The following ANXA4 variants were observed in gnomAD, a reference collection of about 807,000 sequenced individuals.
ANXA4 encodes annexin A4, also known as 35-beta calcimedin.
In ANXA4, 39 loss-of-function variants were observed where a neutral mutation model predicts 49.8. The observed-to-expected ratio is 0.78, with a 90% CI of 0.61 to 1.02. ANXA4 has a LOEUF of 1.02. Among genes scored for constraint, ANXA4 ranks in the 50% least tolerant of loss-of-function variants. The pLI is 0.00. For synonymous variants in ANXA4, 134 were observed against 152.5 expected (o/e 0.88, Z 0.89); for missense variants, 360 against 410.1 (o/e 0.88, Z 1.05).
chr2:69,725,049 C>T lies in ANXA4; in HGVS notation n.864+4178C>T, dbSNP rs111327590. On this transcript the variant is annotated intron_variant and non_coding_transcript_variant, in intron 3 of 3. Transcript: ENST00000418066. ...TGCACAGCCTGTCTCCTTTTCTTCT[C>T]CCTCTGACTCCTGCAGTCAGCCGAT... is the stretch of plus-strand genomic sequence containing the variant. 9.6e-3 allele frequency among the ~76,000 whole-genome samples: 1,458 copies of T among 152,302 alleles called. 26 individuals are homozygous for T. The highest frequency in any genetic ancestry group is 0.034 in the African/African-American group (1,403 of 41,562).
At chr2:69,768,041 A>G (rs909092604) in intron 1 of ANXA4, among the ~76,000 whole-genome samples, 4 of 152,304 alleles carry the variant, frequency 2.6e-5, no homozygotes, top group African/African-American at 4.8e-5. Context: ...ATGCGAGTAT[A>G]TATTATAGCA....
chr2:69,738,205 C>T (rs530073559), upstream of ANXA4, among the ~76,000 whole-genome samples: 4 of 152,122 alleles, frequency 2.6e-5, no homozygotes, highest in African/African-American at 9.6e-5. Context: ...GCCCTGAGTG[C>T]GTGTGTAAGT....
At chr2:69,820,860 GA>G in intron 12 of ANXA4, 39 bp downstream of exon 12, 2 of 1,605,880 alleles carry the variant, frequency 1.2e-6, no homozygotes, top group East Asian at 2.2e-5. Flanking sequence ...AAAGGATCCA[GA>G]AAAGGACCCC....
chr2:69,662,323 CT>C (rs1676752973), intron 2 of ANXA4, among the ~76,000 whole-genome samples: 1 of 152,152 alleles, frequency 6.6e-6, no homozygotes, highest in African/African-American at 2.4e-5. Context: ...AGTTACAAGC[CT>C]TCCTATGCAC....
chr2:69,798,353 A>G (rs1344423045), intron 3 of ANXA4, among the ~76,000 whole-genome samples: 1 of 152,204 alleles, frequency 6.6e-6, no homozygotes, highest in East Asian at 1.9e-4. Flanking sequence ...TTGCATACAG[A>G]GAGGAGATGG....
intron 2 of ANXA4, among the ~76,000 whole-genome samples, chr2:69,690,366 G>A (rs1347262868): frequency 6.6e-6 from 1 of 152,070 alleles, no homozygotes; most frequent in Non-Finnish European, 1.5e-5. Context: ...AGCCTCCCAA[G>A]TAGCTGGGAT....
At chr2:69,821,286 A>T (rs1674233915) in intron 12 of ANXA4, among the ~76,000 whole-genome samples, 1 of 152,156 alleles carries the variant, frequency 6.6e-6, no homozygotes, top group Admixed American at 6.5e-5. Flanking sequence ...CCTCAAAGCC[A>T]GGCATTCCTG....
In ANXA4 at chr2:69,656,277, GTA is replaced by G. The variant is rs1306210204; in HGVS notation, n.766+3004_766+3005del. 7.2e-4 allele frequency among the ~76,000 whole-genome samples: 85 copies of G among 117,338 alleles called. 3 individuals are homozygous for G. The highest frequency in any genetic ancestry group is 9.3e-4 in the African/African-American group (29 of 31,302). The allele number at this position is 117,338 out of a possible 152,430, so 77.0% of individuals were successfully genotyped here. On this transcript the variant is annotated intron_variant and non_coding_transcript_variant, in intron 2 of 3. Transcript: ENST00000418066. ...TATATACGTATATATATGTATATAC[GTA>G]TATATATACATATATGTATATATAT...
chr2:69,697,978 C>CAA lies in ANXA4; in HGVS notation n.767-22778_767-22777dup, dbSNP rs34820959. ...TGGGCAACACAGTGAGACCCCATCTCAAAAAAAAAAAAAAAAAAAGAATAC... is the reference window on the plus strand; with the variant it reads ...TGGGCAACACAGTGAGACCCCATCTCAAAAAAAAAAAAAAAAAAAAAGAATAC... On this transcript the variant is annotated intron_variant and non_coding_transcript_variant, in intron 2 of 3. Transcript: ENST00000418066. 2.9e-3 allele frequency among the ~76,000 whole-genome samples: 302 copies of CAA among 105,594 alleles called. 4 individuals carry two copies. The highest frequency in any genetic ancestry group is 6.6e-3 in the East Asian group (25 of 3,776). The allele number at this position is 105,594 out of a possible 152,430, so 69.3% of individuals were successfully genotyped here. A position where few individuals can be genotyped will look rare whatever the true frequency, so the allele number is the denominator to read the frequency against.
chr2:69,779,286 T>TA (rs1166309260), intron 1 of ANXA4, among the ~76,000 whole-genome samples: 1 of 151,874 alleles, frequency 6.6e-6, no homozygotes, highest in Non-Finnish European at 1.5e-5. Context: ...TAAAATAAAA[T>TA]AAATAAATGT....
At chr2:69,705,933 AAAAAC>A (rs1192680630) in intron 2 of ANXA4, among the ~76,000 whole-genome samples, 1 of 152,204 alleles carries the variant, frequency 6.6e-6, no homozygotes, top group Non-Finnish European at 1.5e-5. Context: ...CTTTGTCTCA[AAAAAC>A]AAAACAAAAC....
chr2:69,775,123 T>A (rs1383995574), intron 1 of ANXA4, among the ~76,000 whole-genome samples: 1 of 152,186 alleles, frequency 6.6e-6, no homozygotes, highest in African/African-American at 2.4e-5. Context: ...GTGGTTTCAA[T>A]CGTTTCATGG....
At chr2:69,664,571 GA>G (rs1299939225) in intron 2 of ANXA4, among the ~76,000 whole-genome samples, 1 of 152,122 alleles carries the variant, frequency 6.6e-6, no homozygotes, top group African/African-American at 2.4e-5. Flanking sequence ...TTCTTGCATA[GA>G]ATAGGTGTCA....
chr2:69,671,233 T>G (rs1203090963), intron 2 of ANXA4, among the ~76,000 whole-genome samples: 1 of 152,058 alleles, frequency 6.6e-6, no homozygotes, highest in Non-Finnish European at 1.5e-5. Flanking sequence ...TACATTAAAA[T>G]CAATAACTTT....
chr2:69,799,814 A>G (rs943061768), intron 3 of ANXA4, among the ~76,000 whole-genome samples: 15 of 152,220 alleles, frequency 9.9e-5, no homozygotes, highest in Admixed American at 7.2e-4. Flanking sequence ...AGATTTGGGT[A>G]AAAACACTTG....
chr2:69,692,008 C>T (rs1000028386), intron 2 of ANXA4, among the ~76,000 whole-genome samples: 5 of 152,316 alleles, frequency 3.3e-5, no homozygotes, highest in South Asian at 4.1e-4. Context: ...GCCTCAGCCT[C>T]CCAAGTAGCT....
In ANXA4 at chr2:69,810,927, A is replaced by AGTTATG. The variant is rs1410008160; in HGVS notation, c.477+255_477+260dup. The AGTTATG allele has an allele frequency of 6.2e-6, 3 of 483,346 alleles. No homozygotes were observed. The East Asian group carries it at 1.0e-4, about 17-fold the overall frequency. 29.9% of individuals were successfully genotyped at this position (483,346 alleles called of 1,614,324 possible). On this transcript the variant is annotated intron_variant, in intron 7 of 12. Coordinates refer to ENST00000394295, the MANE Select transcript of ANXA4 (RefSeq NM_001153.5). ...TCCCCCTGTCACTCAGTGCATTGAG[A>AGTTATG]GTTATGAAGATGATTCAGAGGCAGT...
intron 2 of ANXA4, among the ~76,000 whole-genome samples, chr2:69,783,810 A>G (rs1037656584): frequency 2.6e-5 from 4 of 152,166 alleles, no homozygotes; most frequent in Admixed American, 2.6e-4. Context: ...TCTGAGTGTT[A>G]TCATAAGTTA....
At chr2:69,803,335 C>G (rs931865569) in intron 3 of ANXA4, 1 of 152,080 alleles carries the variant, frequency 6.6e-6, no homozygotes, top group African/African-American at 2.4e-5. Flanking sequence ...TTTTTCATTT[C>G]TCCCTGAAAT....
Sources: gnomAD v4.1 joint callset for allele counts (sites outside exome capture counted in the v4.1 genomes callset) on GRCh38, gnomAD v4.1.1 for gene constraint, MANE v1.5 for transcripts, NCBI Gene and HGNC (gene_info 2026-07-23, HGNC 2026-07-21) for gene names.